The following UNC13B variants were observed in gnomAD, a reference collection of about 807,000 sequenced individuals.
The protein encoded by UNC13B is unc-13 homolog B, also known as protein unc-13 homolog B.
Under a neutral mutation model 211.0 loss-of-function variants are expected in UNC13B, and 144 were observed. The observed-to-expected ratio is 0.68, with a 90% CI of 0.60 to 0.78. UNC13B has a LOEUF of 0.78. UNC13B is among the 30% of genes least tolerant of loss of function. The pLI, the probability that UNC13B is intolerant of heterozygous loss-of-function variation, is 0.00. For missense variants in UNC13B, 1,777 were observed against 2,002.0 expected (o/e 0.89, Z 2.14); for synonymous variants, 709 against 725.8 (o/e 0.98, Z 0.37).
At position 35,163,937 on chromosome 9, in the gene UNC13B, A is replaced by T. The variant is rs537086916; in HGVS notation, c.22+1632A>T. 2.0e-5 allele frequency among the ~76,000 whole-genome samples: 3 copies of T among 152,378 alleles called. No individual in the cohort carries two copies. In the South Asian group the frequency reaches 6.2e-4, roughly 32 times the overall value. On this transcript the variant is annotated intron_variant, in intron 1 of 39. Transcript: ENST00000635942. ...ATACTGAAACAAACAGGTACCTTAT[A>T]TGCAGATATTCATATTGAATGGCAA...
rs768491651 is a variant in UNC13B, at chr9:35,236,462, C to G, written c.153-7C>G. The stretch of plus-strand genomic sequence containing the variant: ...CTTTCCTCAAAGGGCTTTCCTCTTT[C>G]CCTTAGTGAGATTAGTCGCCTGGAC... On this transcript the variant is annotated splice_polypyrimidine_tract_variant and splice_region_variant and intron_variant, in intron 3 of 39. Coordinates refer to ENST00000635942, the MANE Select transcript of UNC13B (RefSeq NM_001371189.2). 2 of 1,611,484 alleles carry G rather than the reference C, an allele frequency of 1.2e-6. No individual in the cohort carries two copies. The highest frequency in any genetic ancestry group is 1.7e-6 in the Non-Finnish European group (2 of 1,177,718).
intron 24 of UNC13B, among the ~76,000 whole-genome samples, chr9:35,387,029 G>C (rs756374439): frequency 6.6e-6 from 1 of 152,128 alleles, no homozygotes; most frequent in Non-Finnish European, 1.5e-5. Flanking sequence ...AACAAATATT[G>C]AATGTTTGTT....
At chr9:35,394,577 CAG>C (rs1345702677) in intron 26 of UNC13B, among the ~76,000 whole-genome samples, 3 of 152,180 alleles carry the variant, frequency 2.0e-5, no homozygotes, top group Non-Finnish European at 4.4e-5. Context: ...CCCTGGGTGA[CAG>C]AGCGAGACTC....
intron 1 of UNC13B, 50 bp downstream of exon 1, chr9:35,162,355 C>G (rs1438240475): frequency 2.0e-6 from 3 of 1,498,010 alleles, no homozygotes. Context: ...GTAGAGGTCC[C>G]CGCACCCTTC....
At chr9:35,341,809 G>A in intron 11 of UNC13B, 1 of 420,704 alleles carries the variant, frequency 2.4e-6, no homozygotes, top group Non-Finnish European at 3.2e-6. Context: ...GAGGAGGGCT[G>A]GTGCCCTATG....
intron 1 of UNC13B, among the ~76,000 whole-genome samples, chr9:35,164,284 T>C (rs1587265024): frequency 6.6e-6 from 1 of 152,382 alleles, no homozygotes; most frequent in Non-Finnish European, 1.5e-5. Flanking sequence ...TCCAAAGTGC[T>C]GGGATTAGAG....
At chr9:35,368,548 A>G (rs1473174323) in intron 12 of UNC13B, among the ~76,000 whole-genome samples, 1 of 152,156 alleles carries the variant, frequency 6.6e-6, no homozygotes, top group Non-Finnish European at 1.5e-5. Context: ...ATGGTAGAAC[A>G]CTGTATATTC....
At chr9:35,243,523 C>T (rs990546297) in intron 6 of UNC13B, among the ~76,000 whole-genome samples, 159 bp downstream of exon 6, 1 of 152,114 alleles carries the variant, frequency 6.6e-6, no homozygotes, top group Non-Finnish European at 1.5e-5. Flanking sequence ...CCTGAAATGT[C>T]ACTAGAAGGT....
At chr9:35,223,280 A>C (rs181831747) in intron 1 of UNC13B, among the ~76,000 whole-genome samples, 6 of 152,286 alleles carry the variant, frequency 3.9e-5, no homozygotes, top group Admixed American at 2.0e-4. Context: ...ACTGTTTTCC[A>C]TAAGGGCTGT....
intron 8 of UNC13B, among the ~76,000 whole-genome samples, chr9:35,297,149 C>T (rs1223425634): frequency 2.1e-5 from 3 of 142,884 alleles, no homozygotes; most frequent in African/African-American, 5.2e-5. Context: ...AGTGCAGTGG[C>T]GTGATCTCGG....
rs1471937064 is a variant in UNC13B, at chr9:35,403,267, A to T, written c.12577+8A>T. On this transcript the variant is annotated splice_region_variant and intron_variant, in intron 38 of 39. Transcript: ENST00000635942. ...ACAAGGTCACAGTGAAAGGTGAGTG[A>T]TGGACTTACAGGTCTGCCCTTTCCT... 1 of 1,613,946 alleles carries T rather than the reference A, an allele frequency of 6.2e-7. No individual in the cohort carries two copies. The highest frequency in any genetic ancestry group is 1.7e-5 in the Admixed American group (1 of 60,014).
Position 35,162,253 on chromosome 9 carries a change from G to C in UNC13B, c.-31G>C. The C allele has an allele frequency of 1.3e-6, 2 of 1,542,608 alleles. No individual in the cohort carries two copies. The highest frequency in any genetic ancestry group is 2.4e-5 in the East Asian group (1 of 40,898). ...AGAGGGAGCGGTCCGGCGCGGCTGG[G>C]GCGCGGCAGAGGCTTGCCCGATCCT... On this transcript the variant is annotated 5_prime_UTR_variant, in exon 1 of 40. Transcript: ENST00000635942.
chr9:35,245,201 T>C (rs1564089593), intron 6 of UNC13B, among the ~76,000 whole-genome samples: 1 of 152,072 alleles, frequency 6.6e-6, no homozygotes, highest in Non-Finnish European at 1.5e-5. Flanking sequence ...TGTGTCATTA[T>C]ACAGAATCAG....
chr9:35,310,037 T>C (rs1830108817), intron 9 of UNC13B, among the ~76,000 whole-genome samples: 1 of 152,146 alleles, frequency 6.6e-6, no homozygotes, highest in Non-Finnish European at 1.5e-5. Context: ...ATGTAATAAG[T>C]AATAGAAAAA....
intron 25 of UNC13B, among the ~76,000 whole-genome samples, chr9:35,390,186 C>G (rs960899027): frequency 7.9e-5 from 12 of 152,290 alleles, no homozygotes; most frequent in African/African-American, 2.9e-4. Context: ...GAGCCAGCTT[C>G]CCTGGAGTGA....
chr9:35,262,099 A>G (rs918300979), intron 7 of UNC13B, among the ~76,000 whole-genome samples: 1 of 152,130 alleles, frequency 6.6e-6, no homozygotes, highest in Non-Finnish European at 1.5e-5. Flanking sequence ...GAGTGCAGAT[A>G]TCTCTTTGAT....
At position 35,310,482 on chromosome 9, in the gene UNC13B, T is replaced by G; in HGVS notation, c.9024T>G (p.Ser3008Arg). ...PMTNKSPTSS[S>R]RYGSSCNVSQ... ...ATTCTCACAGCCCCACCAGCAGCAG[T>G]AGGTATGGCTCCTCCTGTAATGTGA... is the stretch of plus-strand genomic sequence containing the variant. Residue 3008 changes from serine (S) to arginine (R), a missense_variant, in exon 10 of 40, where the codon AGT becomes AGG. Ser to Arg is a moderately radical substitution (Grantham distance 110). Transcript: ENST00000635942. 6.2e-7 allele frequency: 1 copy of G among 1,613,094 alleles called. No homozygotes were observed.
In UNC13B at chr9:35,399,637, T is replaced by G; in HGVS notation, c.12256-12T>G. ...TGTGAGCTGTCCTGATGCTGCTGAT[T>G]TCTCTGAACAGGATCACATGGTACG... On this transcript the variant is annotated splice_polypyrimidine_tract_variant and intron_variant, in intron 35 of 39. Transcript: ENST00000635942. 1 of 1,614,074 alleles carries G rather than the reference T, an allele frequency of 6.2e-7. No homozygotes were observed. The highest frequency in any genetic ancestry group is 1.1e-5 in the South Asian group (1 of 91,074).
intron 1 of UNC13B, among the ~76,000 whole-genome samples, chr9:35,209,630 G>A (rs570088608): frequency 2.8e-4 from 43 of 151,692 alleles, no homozygotes; most frequent in Non-Finnish European, 5.6e-4. Flanking sequence ...CGCCCACCTC[G>A]GCCTCCCAAA....
Sources: allele counts gnomAD v4.1 joint callset (sites outside exome capture counted in the v4.1 genomes callset), GRCh38; gene constraint gnomAD v4.1.1; transcripts MANE v1.5; gene names NCBI Gene and HGNC (gene_info 2026-07-23, HGNC 2026-07-21).